Variants in GLIPR2 observed in about 807,000 individuals in gnomAD.
The protein encoded by GLIPR2 is GLI pathogenesis related 2.
Under a neutral mutation model 20.4 loss-of-function variants are expected in GLIPR2, and 21 were observed. The ratio of observed to expected loss-of-function variants is 1.03; its 90% CI spans 0.73 to 1.48. The LOEUF is 1.48. GLIPR2 is among the 40% of genes most tolerant of loss of function. The probability of loss-of-function intolerance (pLI) is 0.00; values close to 1 mark genes in which losing one functional copy is unlikely to be tolerated. For missense variants in GLIPR2, 205 were observed against 200.1 expected, an observed-to-expected ratio of 1.02 and a Z score of -0.15; for synonymous variants, 91 against 80.5, an observed-to-expected ratio of 1.13 and a Z score of -0.70.
intron 4 of GLIPR2, among the ~76,000 whole-genome samples, chr9:36,153,590 T>C (rs1191111633): frequency 2.0e-5 from 3 of 152,078 alleles, no homozygotes; most frequent in Non-Finnish European, 4.4e-5. Flanking sequence ...GTCCTTGTTG[T>C]AGGTGAAAGA....
chr9:36,161,401 G>C (rs1826046463), intron 4 of GLIPR2, among the ~76,000 whole-genome samples: 1 of 151,902 alleles, frequency 6.6e-6, no homozygotes, highest in South Asian at 2.1e-4. Context: ...ATGTGGAAAT[G>C]TCCAGTAATT....
At chr9:36,151,103 C>A in intron 4 of GLIPR2, 154 bp downstream of exon 4, 1 of 632,426 alleles carries the variant, frequency 1.6e-6, no homozygotes, top group Non-Finnish European at 2.9e-6. Context: ...GACCACAGAC[C>A]AAAGCTCTCC....
chr9:36,150,355 G>T (rs569157036), intron 3 of GLIPR2, among the ~76,000 whole-genome samples: 15 of 152,204 alleles, frequency 9.9e-5, no homozygotes, highest in Admixed American at 3.3e-4. Flanking sequence ...ATCAACACGT[G>T]TGGGGACAGT....
intron 4 of GLIPR2, among the ~76,000 whole-genome samples, chr9:36,151,608 A>C (rs966636633): frequency 6.6e-6 from 1 of 151,946 alleles, no homozygotes; most frequent in Non-Finnish European, 1.5e-5. Flanking sequence ...CCCAGGGGAG[A>C]GGGAGAAGGT....
intron 1 of GLIPR2, among the ~76,000 whole-genome samples, chr9:36,140,756 G>A (rs902525642): frequency 2.0e-5 from 3 of 152,164 alleles, no homozygotes; most frequent in Admixed American, 2.0e-4. Flanking sequence ...GGTAAAGGGA[G>A]GGGCATTCTT....
At chr9:36,152,185 G>A (rs989280912) in intron 4 of GLIPR2, among the ~76,000 whole-genome samples, 1 of 152,180 alleles carries the variant, frequency 6.6e-6, no homozygotes, top group African/African-American at 2.4e-5. Context: ...AGGCTGGGCT[G>A]GCAGGGCTTT....
At chr9:36,148,726 C>T (rs1297698836) in intron 3 of GLIPR2, 76 bp downstream of exon 3, 3 of 903,954 alleles carry the variant, frequency 3.3e-6, no homozygotes, top group Non-Finnish European at 3.6e-6. Context: ...TGCCTCCTGG[C>T]CCCAGCACCC....
chr9:36,157,449 C>T (rs540449613), intron 4 of GLIPR2, among the ~76,000 whole-genome samples: 20 of 151,240 alleles, frequency 1.3e-4, no homozygotes, highest in South Asian at 4.2e-4. Context: ...CAGGTTCAAG[C>T]GACTCTCCTG....
At chr9:36,156,842 C>A (rs939654151) in intron 4 of GLIPR2, among the ~76,000 whole-genome samples, 4 of 152,162 alleles carry the variant, frequency 2.6e-5, no homozygotes, top group African/African-American at 9.7e-5. Flanking sequence ...ACCATCTCCA[C>A]CCCACCCCAA....
chr9:36,149,009 G>C (rs1254930595), intron 3 of GLIPR2, among the ~76,000 whole-genome samples: 1 of 152,202 alleles, frequency 6.6e-6, no homozygotes, highest in Non-Finnish European at 1.5e-5. Flanking sequence ...CAGCTACTGA[G>C]AAATGTTATT....
chr9:36,139,490 G>A (rs541902481), intron 1 of GLIPR2, among the ~76,000 whole-genome samples: 39 of 152,252 alleles, frequency 2.6e-4, no homozygotes, highest in South Asian at 1.9e-3. Flanking sequence ...GGGTGACCCC[G>A]TGCCCAGTGG....
At chr9:36,154,075 ATTATATAT>A (rs1825718331) in intron 4 of GLIPR2, among the ~76,000 whole-genome samples, 2 of 126,644 alleles carry the variant, frequency 1.6e-5, no homozygotes, top group African/African-American at 6.0e-5. Flanking sequence ...TATATTATAT[ATTATATAT>A]TATATATATA....
chr9:36,157,692 AC>A (rs1825893281), intron 4 of GLIPR2, among the ~76,000 whole-genome samples: 1 of 141,446 alleles, frequency 7.1e-6, no homozygotes, highest in African/African-American at 2.6e-5. Flanking sequence ...AAACACACAC[AC>A]ACACACACAC....
chr9:36,160,775 C>T (rs1313307908), intron 4 of GLIPR2, among the ~76,000 whole-genome samples: 1 of 152,198 alleles, frequency 6.6e-6, no homozygotes, highest in African/African-American at 2.4e-5. Context: ...GAAAATGAGG[C>T]TCACGCCTGT....
intron 1 of GLIPR2, among the ~76,000 whole-genome samples, chr9:36,141,161 ACT>A (rs1364940246): frequency 1.3e-5 from 2 of 152,086 alleles, no homozygotes; most frequent in Non-Finnish European, 2.9e-5. Context: ...AATTCATTTA[ACT>A]CTCACTGCAG....
chr9:36,145,812 G>A (rs1054979578), intron 1 of GLIPR2, among the ~76,000 whole-genome samples: 1 of 152,160 alleles, frequency 6.6e-6, no homozygotes, highest in East Asian at 1.9e-4. Flanking sequence ...ATGGATGGAT[G>A]GATGGGGATC....
intron 4 of GLIPR2, among the ~76,000 whole-genome samples, chr9:36,154,196 G>A (rs968172051): frequency 5.3e-5 from 8 of 150,260 alleles, no homozygotes; most frequent in South Asian, 4.2e-4. Context: ...CCAGGTTCAC[G>A]CGATTCTCCC....
intron 1 of GLIPR2, among the ~76,000 whole-genome samples, chr9:36,142,449 C>A (rs1587130483): frequency 6.6e-6 from 1 of 152,196 alleles, no homozygotes; most frequent in African/African-American, 2.4e-5. Context: ...AAGGTCATGG[C>A]AGCTCCCACA....
intron 1 of GLIPR2, among the ~76,000 whole-genome samples, chr9:36,142,763 G>T: frequency 7.2e-6 from 1 of 139,370 alleles, no homozygotes; most frequent in Non-Finnish European, 1.6e-5. Flanking sequence ...GGTAGGGTGT[G>T]CTTCTTGCTA....
Sources: gnomAD v4.1 joint callset for allele counts (sites outside exome capture counted in the v4.1 genomes callset) on GRCh38, gnomAD v4.1.1 for gene constraint, MANE v1.5 for transcripts, NCBI Gene and HGNC (gene_info 2026-07-23, HGNC 2026-07-21) for gene names.